Variants in FBLN7 observed in about 807,000 individuals in gnomAD.
The protein encoded by FBLN7 is fibulin-7.
Under a neutral mutation model 44.0 loss-of-function variants are expected in FBLN7, and 31 were observed. The observed-to-expected ratio is 0.70, with a 90% CI of 0.53 to 0.95. The LOEUF (loss-of-function observed/expected upper bound fraction) is 0.95, where lower values mean the gene tolerates loss of function less well. FBLN7 is among the 40% of genes least tolerant of loss of function. FBLN7 has a pLI of 0.00. For synonymous variants in FBLN7, 262 were observed against 253.4 expected, an observed-to-expected ratio of 1.03 and a Z score of -0.32; for missense variants, 573 against 618.5, an observed-to-expected ratio of 0.93 and a Z score of 0.78.
the FBLN7 span, among the ~76,000 whole-genome samples, chr2:112,201,801 G>A: frequency 6.6e-6 from 1 of 152,202 alleles, no homozygotes; most frequent in South Asian, 2.1e-4. Context: ...GCATTTGGCT[G>A]AAATAAGGAG....
chr2:112,238,509 G>A, the FBLN7 span: 4 of 1,610,300 alleles, frequency 2.5e-6, no homozygotes, highest in East Asian at 4.5e-5. Flanking sequence ...ACTTTTTGGT[G>A]ATATTGCAGA....
intron 1 of FBLN7, among the ~76,000 whole-genome samples, chr2:112,141,574 C>A (rs546895388): frequency 6.6e-6 from 1 of 152,334 alleles, no homozygotes; most frequent in South Asian, 2.1e-4. Flanking sequence ...CACGCTAAAC[C>A]CACCCAACAG....
chr2:112,151,343 G>A (rs1681150889), intron 1 of FBLN7: 1 of 152,068 alleles, frequency 6.6e-6, no homozygotes, highest in Admixed American at 6.5e-5. Context: ...CTCTCTCTAG[G>A]GGAAAATCCC....
chr2:112,240,984 T>TGTGTGC, the FBLN7 span, among the ~76,000 whole-genome samples: 34 of 132,442 alleles, frequency 2.6e-4, no homozygotes, highest in African/African-American at 7.7e-4. Flanking sequence ...TGTGTGTGTG[T>TGTGTGC]GCGCGTGTGT....
chr2:112,159,605 G>C (rs1573785555), intron 1 of FBLN7, 71 bp from the exon 2 acceptor site: 1 of 1,413,234 alleles, frequency 7.1e-7, no homozygotes, highest in South Asian at 1.6e-5. Flanking sequence ...CGGCGATTTC[G>C]GAAGCTCAGA....
chr2:112,239,012 C>T, the FBLN7 span, among the ~76,000 whole-genome samples: 1 of 152,230 alleles, frequency 6.6e-6, no homozygotes, highest in East Asian at 1.9e-4. Flanking sequence ...TACATCTAAG[C>T]TACCAAAGTC....
At chr2:112,217,362 CAAAAA>C in the FBLN7 span, among the ~76,000 whole-genome samples, 1 of 148,694 alleles carries the variant, frequency 6.7e-6, no homozygotes, top group Non-Finnish European at 1.5e-5. Flanking sequence ...GACTCCATCT[CAAAAA>C]AAAAGAAAAG....
At chr2:112,166,065 G>A (rs1347802489) in intron 3 of FBLN7, among the ~76,000 whole-genome samples, 2 of 152,144 alleles carry the variant, frequency 1.3e-5, no homozygotes, top group Non-Finnish European at 2.9e-5. Context: ...TTTTGTTTTT[G>A]TTTGAGACGG....
At chr2:112,183,377 C>T (rs1247270527) in intron 6 of FBLN7, among the ~76,000 whole-genome samples, 4 of 152,250 alleles carry the variant, frequency 2.6e-5, no homozygotes, top group Middle Eastern at 3.4e-3. Context: ...TTAGTGAGGT[C>T]GGGCGCTACA....
At chr2:112,228,013 G>GA in the FBLN7 span, among the ~76,000 whole-genome samples, 1 of 152,212 alleles carries the variant, frequency 6.6e-6, no homozygotes, top group East Asian at 1.9e-4. Context: ...AACAAAGCTA[G>GA]ACAGCTTACG....
the FBLN7 span, chr2:112,212,296 C>G: frequency 6.6e-6 from 1 of 152,206 alleles, no homozygotes; most frequent in East Asian, 1.9e-4. Context: ...AACAGTTAGT[C>G]CTAGGAGTCA....
intron 2 of FBLN7, among the ~76,000 whole-genome samples, chr2:112,160,736 A>ACACG (rs1180345017): frequency 9.8e-6 from 1 of 102,152 alleles, no homozygotes; most frequent in Non-Finnish European, 2.2e-5. Flanking sequence ...ACGCACGCAC[A>ACACG]CGCACACACG....
chr2:112,200,338 G>A, the FBLN7 span, among the ~76,000 whole-genome samples: 2 of 152,162 alleles, frequency 1.3e-5, no homozygotes, highest in Non-Finnish European at 1.5e-5. Flanking sequence ...CACCTCAGAT[G>A]TTCGTGGGAA....
Position 112,182,820 on chromosome 2 carries a change from G to A in FBLN7, c.700G>A (p.Glu234Lys), listed in dbSNP as rs766836093. ...GAACGAGTGTGAGCTCTACGGGCAG[G>A]AGGGGCGCCCCCGGCTCTGCATGCA... ...DVNECELYGQ[E>K]GRPRLCMHAC... Residue 234 changes from glutamate to lysine, a missense_variant, in exon 6 of 8, where the codon GAG (glutamate) becomes AAG (lysine). Glu to Lys is a moderately conservative substitution (Grantham distance 56). Transcript: ENST00000331203. The A allele has an allele frequency of 2.0e-5, 32 of 1,610,274 alleles. No homozygotes were observed. Among genetic ancestry groups the A allele is most frequent in the Admixed American group, 3.4e-5 (2 of 59,368 alleles).
chr2:112,225,242 A>T, the FBLN7 span, among the ~76,000 whole-genome samples: 7 of 146,404 alleles, frequency 4.8e-5, no homozygotes, highest in African/African-American at 1.8e-4. Flanking sequence ...GTTAATTGTT[A>T]AAAAAAAAAC....
chr2:112,183,022 A>G (rs996318513), intron 6 of FBLN7, 94 bp downstream of exon 6: 3 of 1,507,350 alleles, frequency 2.0e-6, no homozygotes, highest in Admixed American at 2.2e-5. Flanking sequence ...TGGTTAGGAG[A>G]GTCACAGTTT....
intron 7 of FBLN7, among the ~76,000 whole-genome samples, chr2:112,185,837 A>G (rs1051253612): frequency 2.0e-5 from 3 of 151,528 alleles, no homozygotes; most frequent in African/African-American, 7.3e-5. Context: ...TTCTACATCT[A>G]GTAACTGCAA....
the FBLN7 span, among the ~76,000 whole-genome samples, chr2:112,210,344 G>C: frequency 1.3e-5 from 2 of 151,986 alleles, no homozygotes; most frequent in Non-Finnish European, 2.9e-5. Flanking sequence ...CGCTGTTGAA[G>C]AAGGTTGTTA....
the FBLN7 span, among the ~76,000 whole-genome samples, chr2:112,240,802 TTTG>T: frequency 2.6e-5 from 4 of 152,226 alleles, no homozygotes; most frequent in East Asian, 1.9e-4. Context: ...ATTGCTTCAG[TTTG>T]TTGTTTTTTG....
Sources: allele counts gnomAD v4.1 joint callset (sites outside exome capture counted in the v4.1 genomes callset), GRCh38; gene constraint gnomAD v4.1.1; transcripts MANE v1.5; gene names NCBI Gene and HGNC (gene_info 2026-07-23, HGNC 2026-07-21).